The following TBXT variants were observed in gnomAD, a reference collection of about 807,000 sequenced individuals.
The protein encoded by TBXT is T-box transcription factor T, also known as T brachyury transcription factor.
TBXT carries 19 observed loss-of-function variants against 41.1 expected under a neutral mutation model. That is an observed-to-expected ratio of 0.46 (90% CI 0.32 to 0.68). The LOEUF (loss-of-function observed/expected upper bound fraction) is 0.68. Among genes scored for constraint, TBXT ranks in the 30% least tolerant of loss-of-function variants. The pLI is 0.03. For missense variants in TBXT, 536 were observed against 582.0 expected (o/e 0.92, Z 0.81); for synonymous variants, 213 against 238.9 (o/e 0.89, Z 1.00).
rs956590412 is a variant in TBXT at position 166,158,486 on chromosome 6, G to A, written c.1140C>T (p.Ser380=). The A allele has an allele frequency of 6.2e-7, 1 of 1,611,890 alleles. No individual in the cohort carries two copies. The highest frequency in any genetic ancestry group is 1.7e-5 in the Admixed American group (1 of 59,960). ...NGLGAQFFRG[S]PAHYTPLTHP... is the part of the protein sequence containing the mutation. ...GGGTGAGGGGTGTGTAGTGCGCGGG[G>A]GAGCCCCGGAAGAACTGGGCCCCCA... The change falls in exon 8 of 8, where the codon TCC becomes TCT. Residue 380 remains serine (S), a synonymous_variant. Transcript: ENST00000366876.
At chr6:166,159,036 G>T (rs1197335889) in intron 7 of TBXT, among the ~76,000 whole-genome samples, 1 of 152,226 alleles carries the variant, frequency 6.6e-6, no homozygotes, top group African/African-American at 2.4e-5. Context: ...GCTGGGCATG[G>T]TGGCACATGC....
chr6:166,158,274 CA>C lies in TBXT; in HGVS notation c.*40del. 6.2e-7 allele frequency: 1 copy of C among 1,614,198 alleles called. No homozygotes were observed. Among genetic ancestry groups the C allele is most frequent in the Non-Finnish European group, 8.5e-7 (1 of 1,180,032 alleles). On this transcript the variant is annotated 3_prime_UTR_variant, in exon 8 of 8. Transcript: ENST00000366876. ...ATCCAGTCACCACTGGCTGCCACGA[CA>C]AAAAGTCACTGCATCTTTCGGGACC...
chr6:166,158,694 A>T (rs1778865564), intron 7 of TBXT, 106 bp from the exon 8 acceptor site: 2 of 1,308,996 alleles, frequency 1.5e-6, no homozygotes, highest in African/African-American at 1.5e-5. Context: ...GTGTAATATG[A>T]CAGTTTTCTT....
chr6:166,167,492 T>C lies in TBXT; in HGVS notation c.100A>G (p.Lys34Glu). 2 of 1,610,254 alleles carry C rather than the reference T, an allele frequency of 1.2e-6. No individual in the cohort carries two copies. Among genetic ancestry groups the C allele is most frequent in the Non-Finnish European group, 8.5e-7 (1 of 1,179,812 alleles). The part of the protein sequence containing the change: ...VENELQAGSE[K>E]GDPTERELRV... ...AGTTCGCGCTCTGTGGGGTCGCCCT[T>C]CTCGCTGCCCGCCTGCAGCTCATTC... Residue 34 changes from lysine to glutamate, a missense_variant, in exon 1 of 8, where the codon AAG becomes GAG. By Grantham distance (56) the Lys-to-Glu change is moderately conservative. Coordinates refer to ENST00000366876, the MANE Select transcript of TBXT (RefSeq NM_001366285.2).
upstream of TBXT, chr6:166,168,616 G>A (rs1185696304): frequency 6.6e-6 from 1 of 152,356 alleles, no homozygotes; most frequent in African/African-American, 2.4e-5. Flanking sequence ...CGCAGAGAGG[G>A]AAATGGACGG....
chr6:166,166,486 C>A (rs1779118588), intron 2 of TBXT, 106 bp downstream of exon 2: 3 of 1,560,256 alleles, frequency 1.9e-6, no homozygotes, highest in South Asian at 2.3e-5. Flanking sequence ...CCAGGGCAGA[C>A]GTCGCCTCCC....
chr6:166,161,719 G>A (rs540541608), intron 6 of TBXT, among the ~76,000 whole-genome samples: 31 of 152,246 alleles, frequency 2.0e-4, no homozygotes, highest in African/African-American at 6.3e-4. Context: ...TCAGAAGATC[G>A]AGACCATCCT....
rs754536703 is a variant in TBXT at position 166,166,719 on chromosome 6, G to T, written c.344C>A (p.Pro115Gln). 2 of 1,613,772 alleles carry T rather than the reference G, an allele frequency of 1.2e-6. No individual in the cohort carries two copies. The highest frequency in any genetic ancestry group is 1.7e-6 in the Non-Finnish European group (2 of 1,180,032). ...VNGEWVPGGK[P>Q]EPQAPSCVYI... Reference sequence around the variant, plus strand: ...GACGCAGCTGGGCGCCTGCGGCTCCGGCTTGCCCCCCGGCACCCATTCCCC... The same window carrying T: ...GACGCAGCTGGGCGCCTGCGGCTCCTGCTTGCCCCCCGGCACCCATTCCCC... Residue 115 changes from proline to glutamine, a missense_variant, in exon 2 of 8, where the codon CCG becomes CAG. Coordinates refer to ENST00000366876, the MANE Select transcript of TBXT (RefSeq NM_001366285.2).
At chr6:166,166,326 G>A (rs556899095) in intron 2 of TBXT, among the ~76,000 whole-genome samples, 16 of 152,330 alleles carry the variant, frequency 1.1e-4, no homozygotes, top group African/African-American at 3.6e-4. Context: ...TCCACCCCCA[G>A]GAGAGTTTAG....
Position 166,164,818 on chromosome 6 carries a change from A to G in TBXT, c.650T>C (p.Phe217Ser). 6.2e-7 allele frequency: 1 copy of G among 1,613,484 alleles called. No individual in the cohort carries two copies. The highest frequency in any genetic ancestry group is 8.5e-7 in the Non-Finnish European group (1 of 1,179,996). The change falls in exon 4 of 8, where the codon TTC becomes TCC. Residue 217 changes from phenylalanine (F) to serine (S), a missense_variant. Physicochemically the swap from Phe to Ser is radical, Grantham distance 155. Coordinates refer to ENST00000366876, the MANE Select transcript of TBXT (RefSeq NM_001366285.2). ...KIKYNPFAKA[F>S]LDAKERSDHK... Reference sequence around the variant, plus strand: ...CTCTCACCTTTCCTTTGCATCAAGGAAAGCTTTTGCAAATGGATTGTACTT... The same window carrying G: ...CTCTCACCTTTCCTTTGCATCAAGGGAAGCTTTTGCAAATGGATTGTACTT...
Position 166,158,490 on chromosome 6 carries a change from C to A in TBXT, c.1136G>T (p.Gly379Val), listed in dbSNP as rs764501069. Residue 379 changes from glycine to valine, a missense_variant, in exon 8 of 8, where the codon GGC (glycine) becomes GTC (valine). By Grantham distance (109) the Gly-to-Val change is moderately radical. Transcript: ENST00000366876. ...GAGGGGTGTGTAGTGCGCGGGGGAG[C>A]CCCGGAAGAACTGGGCCCCCAGCCC... ...SNGLGAQFFR[G>V]SPAHYTPLTH... is the part of the protein sequence containing the mutation. 6 of 1,609,898 alleles carry A rather than the reference C, an allele frequency of 3.7e-6. No individual in the cohort carries two copies. The highest frequency in any genetic ancestry group is 1.7e-4 in the Middle Eastern group (1 of 6,040).
chr6:166,162,247 C>T (rs1256805096), intron 6 of TBXT, among the ~76,000 whole-genome samples, 200 bp downstream of exon 6: 5 of 152,216 alleles, frequency 3.3e-5, no homozygotes, highest in Non-Finnish European at 7.3e-5. Flanking sequence ...TCTGGGTGTC[C>T]GTGGTTGTTC....
At chr6:166,161,173 C>T (rs1370800005) in intron 6 of TBXT, among the ~76,000 whole-genome samples, 1 of 152,136 alleles carries the variant, frequency 6.6e-6, no homozygotes, top group African/African-American at 2.4e-5. Flanking sequence ...TGAAAACATA[C>T]CCTGGTAAAC....
In TBXT at chr6:166,167,618, G is replaced by C. The variant is rs1341585676; in HGVS notation, c.-27C>G. The C allele has an allele frequency of 6.5e-7, 1 of 1,540,776 alleles. No homozygotes were observed. Among genetic ancestry groups the C allele is most frequent in the Admixed American group, 1.9e-5 (1 of 51,324 alleles). ...CTCCCGTCCGGCTCCCCTCCCCGCCGTCCCCGAAGCCCAGACTCGCTACCT... is the reference window on the plus strand; with the variant it reads ...CTCCCGTCCGGCTCCCCTCCCCGCCCTCCCCGAAGCCCAGACTCGCTACCT... On this transcript the variant is annotated 5_prime_UTR_variant, in exon 1 of 8. Coordinates refer to ENST00000366876, the MANE Select transcript of TBXT (RefSeq NM_001366285.2).
At chr6:166,164,905 C>T in intron 3 of TBXT, 44 bp from the exon 4 acceptor site, 1 of 1,529,178 alleles carries the variant, frequency 6.5e-7, no homozygotes, top group Non-Finnish European at 9.0e-7. Flanking sequence ...TCCCTATTAG[C>T]CAGGGGATTT....
At position 166,162,547 on chromosome 6, in the gene TBXT, G is replaced by A; in HGVS notation, c.807C>T (p.Leu269=). 1.2e-6 allele frequency: 2 copies of A among 1,614,182 alleles called. No homozygotes were observed. Among genetic ancestry groups the A allele is most frequent in the South Asian group, 2.2e-5 (2 of 91,082 alleles). Residue 269 remains leucine (L), a synonymous_variant, in exon 6 of 8, where the codon CTC becomes CTT. Coordinates refer to ENST00000366876, the MANE Select transcript of TBXT (RefSeq NM_001366285.2). ...ANPHPQFGGA[L]SLPSTHSCDR... is the part of the protein sequence containing the mutation. ...CACAGCTGTGCGTGGAGGGGAGGGA[G>A]AGGGCACCTCCAAACTGAGGATGAG...
At chr6:166,167,920 T>C (rs995458427), upstream of TBXT, 2 of 424,072 alleles carry the variant, frequency 4.7e-6, no homozygotes, top group Non-Finnish European at 4.4e-6. Flanking sequence ...CTCGGCGGAT[T>C]GGGCCGCGCA....
At chr6:166,167,884 A>G, upstream of TBXT, 1 of 504,062 alleles carries the variant, frequency 2.0e-6, no homozygotes. Context: ...CCCCATAAAT[A>G]GAGCCGCGGC....
In TBXT at chr6:166,165,853, G is replaced by A; in HGVS notation, c.472-13C>T. 4 of 1,614,138 alleles carry A rather than the reference G, an allele frequency of 2.5e-6. No individual in the cohort carries two copies. Among genetic ancestry groups the A allele is most frequent in the Non-Finnish European group, 3.4e-6 (4 of 1,180,002 alleles). ...AGTTCAGCATGATCTGAGGGAGACA[G>A]ATACAGGATTGGTGGCACTGAAAGG... On this transcript the variant is annotated splice_polypyrimidine_tract_variant and intron_variant, in intron 2 of 7. Transcript: ENST00000366876.
Sources: gnomAD v4.1 joint callset for allele counts (sites outside exome capture counted in the v4.1 genomes callset) on GRCh38, gnomAD v4.1.1 for gene constraint, MANE v1.5 for transcripts, NCBI Gene and HGNC (gene_info 2026-07-23, HGNC 2026-07-21) for gene names.